Variants in ZNF662 observed in about 807,000 individuals in gnomAD.
ZNF662 encodes zinc finger protein 662.
Under a neutral mutation model 12.4 loss-of-function variants are expected in ZNF662, and 14 were observed. That is an observed-to-expected ratio of 1.13 (90% confidence interval 0.75 to 1.77). ZNF662 has a LOEUF of 1.77. Among genes scored for constraint, ZNF662 ranks in the 40% most tolerant of loss-of-function variants. The pLI is 0.00. For synonymous variants in ZNF662, 184 were observed against 176.4 expected (o/e 1.04, Z -0.34); for missense variants, 550 against 515.6 (o/e 1.07, Z -0.65).
intron 3 of ZNF662, among the ~76,000 whole-genome samples, chr3:42,909,170 G>A (rs2088731300): frequency 6.6e-6 from 1 of 152,166 alleles, no homozygotes; most frequent in African/African-American, 2.4e-5. Context: ...AGATAAACAT[G>A]TGAACAAAGG....
At chr3:42,912,022 G>C (rs1484216845) in intron 3 of ZNF662, 1 of 151,650 alleles carries the variant, frequency 6.6e-6, no homozygotes, top group African/African-American at 2.4e-5. Context: ...CCTAGGGATA[G>C]GTGAAGAAGA....
At chr3:42,909,702 C>G (rs2088748284) in intron 3 of ZNF662, among the ~76,000 whole-genome samples, 1 of 150,762 alleles carries the variant, frequency 6.6e-6, no homozygotes, top group African/African-American at 2.4e-5. Flanking sequence ...CTGCCCCCCA[C>G]CTCCCGGAGG....
chr3:42,913,116 C>G (rs992254975), intron 3 of ZNF662, 85 bp from the exon 4 acceptor site: 24 of 922,804 alleles, frequency 2.6e-5, no homozygotes, highest in Admixed American at 3.8e-5. Context: ...TTTATTCTCT[C>G]CCTACCACTT....
rs1385614305 is a variant in ZNF662 at position 42,918,796 on chromosome 3, C to T, written c.*3442C>T. Reference sequence around the variant, plus strand: ...TTGAGGTTCCAATTGCATGAACATTCAGAGTTCAATGGCCTGAAGGTGAGA... The same window carrying T: ...TTGAGGTTCCAATTGCATGAACATTTAGAGTTCAATGGCCTGAAGGTGAGA... On this transcript the variant is annotated 3_prime_UTR_variant, in exon 5 of 5. Coordinates refer to ENST00000440367, the MANE Select transcript of ZNF662 (RefSeq NM_207404.4). 6.6e-6 allele frequency among the ~76,000 whole-genome samples: 1 copy of T among 152,072 alleles called. No individual in the cohort carries two copies. Among genetic ancestry groups the T allele is most frequent in the African/African-American group, 2.4e-5 (1 of 41,396 alleles).
At position 42,913,288 on chromosome 3, in the gene ZNF662, GC is replaced by G; in HGVS notation, c.241del (p.Leu81Ter). The G allele has an allele frequency of 6.2e-7, 1 of 1,613,718 alleles. No individual in the cohort carries two copies. The highest frequency in any genetic ancestry group is 8.5e-7 in the Non-Finnish European group (1 of 1,179,680). On this transcript the variant is annotated frameshift_variant, in exon 4 of 5. Coordinates refer to ENST00000440367, the MANE Select transcript of ZNF662 (RefSeq NM_207404.4). LOFTEE classifies it low-confidence loss of function (END_TRUNC). ...CTGAAACTGCAAGGAGAGGGTCCAA[GC>G]CTGATTTGTCCGGGTAAGTGAGAGG... ...LNLKLQGEGP[S>X]LICPEGVLKR...
In ZNF662 at chr3:42,917,492, G is replaced by A; in HGVS notation, c.*2138G>A. 1.4e-6 allele frequency: 1 copy of A among 702,482 alleles called. No homozygotes were observed. The highest frequency in any genetic ancestry group is 2.7e-5 in the East Asian group (1 of 37,280). 43.5% of individuals were successfully genotyped at this position (702,482 alleles called of 1,614,324 possible). The stretch of plus-strand genomic sequence containing the variant: ...CAGGTGCTACCATATGGAGCCTAAG[G>A]ATAAAGCCAATACCAAAGAAAACAG... On this transcript the variant is annotated 3_prime_UTR_variant, in exon 5 of 5. Coordinates refer to ENST00000440367, the MANE Select transcript of ZNF662 (RefSeq NM_207404.4).
chr3:42,915,614 A>C lies in ZNF662; in HGVS notation c.*260A>C. 1 of 365,174 alleles carries C rather than the reference A, an allele frequency of 2.7e-6. No homozygotes were observed. Among genetic ancestry groups the C allele is most frequent in the Non-Finnish European group, 4.9e-6 (1 of 204,084 alleles). 22.6% of individuals were successfully genotyped at this position (365,174 alleles called of 1,614,324 possible). A position where few individuals can be genotyped will look rare whatever the true frequency, so the allele number is the denominator to read the frequency against. ...ATACATTAATTTGCATAACAATCCTATTAAGGTAGGTGCTCTTCTCCCCAT... is the reference window on the plus strand; with the variant it reads ...ATACATTAATTTGCATAACAATCCTCTTAAGGTAGGTGCTCTTCTCCCCAT... On this transcript the variant is annotated 3_prime_UTR_variant, in exon 5 of 5. Transcript: ENST00000440367.
At chr3:42,913,135 G>C in intron 3 of ZNF662, 66 bp from the exon 4 acceptor site, 1 of 1,153,386 alleles carries the variant, frequency 8.7e-7, no homozygotes, top group East Asian at 2.3e-5. Context: ...TTCCATGTCT[G>C]CTCTTTTCCT....
Position 42,906,450 on chromosome 3 carries a change from G to A in ZNF662, c.-94+282G>A, listed in dbSNP as rs557057801. ...TGCCCCGGGCGCGCCGGGTGAGTGC[G>A]GGGCCGGAGCCTGGAAGCAGTCTTG... is the stretch of plus-strand genomic sequence containing the variant. On this transcript the variant is annotated intron_variant, in intron 1 of 4. Transcript: ENST00000440367. This position sits in a 1 kb window ranked among gnomAD's most constrained non-coding sequence, Gnocchi z 4.4. The A allele has an allele frequency of 1.5e-4, 213 of 1,435,546 alleles. 1 individual carries two copies. The African/African-American group carries it at 2.9e-3, about 20-fold the overall frequency. 88.9% of individuals were successfully genotyped at this position (1,435,546 alleles called of 1,614,324 possible). A position where few individuals can be genotyped will look rare whatever the true frequency, so the allele number is the denominator to read the frequency against.
At chr3:42,913,993 G>T (rs145294248) in intron 4 of ZNF662, among the ~76,000 whole-genome samples, 14 of 151,988 alleles carry the variant, frequency 9.2e-5, no homozygotes, top group African/African-American at 2.2e-4. Flanking sequence ...CTAAGTCCTG[G>T]CCTGTTCTTC....
At position 42,906,425 on chromosome 3, in the gene ZNF662, TGCCCCGGGCGCGCCGGGTGAGTGCGGG is replaced by T. The variant is rs1357591282; in HGVS notation, c.-94+261_-94+287del. On this transcript the variant is annotated intron_variant, in intron 1 of 4. Coordinates refer to ENST00000440367, the MANE Select transcript of ZNF662 (RefSeq NM_207404.4). This position sits in a 1 kb window ranked among gnomAD's most constrained non-coding sequence, Gnocchi z 4.4. ...GAGCTGCTCCCGGGACAGCCCGCGC[TGCCCCGGGCGCGCCGGGTGAGTGCGGG>T]GCCGGAGCCTGGAAGCAGTCTTGGC... 5 of 1,475,718 alleles carry T rather than the reference TGCCCCGGGCGCGCCGGGTGAGTGCGGG, an allele frequency of 3.4e-6. No individual in the cohort carries two copies. The South Asian group carries it at 5.2e-5, about 15-fold the overall frequency. 91.4% of individuals were successfully genotyped at this position (1,475,718 alleles called of 1,614,324 possible). A position where few individuals can be genotyped will look rare whatever the true frequency, so the allele number is the denominator to read the frequency against.
rs1228507358 is a variant in ZNF662, at chr3:42,915,043, A to C, written c.970A>C (p.Arg324=). The C allele has an allele frequency of 6.2e-7, 1 of 1,614,128 alleles. No homozygotes were observed. ...TRNPALLRHQ[R]MHTGEKPYEC... ...AAACCCAGCCCTTCTTCGACATCAG[A>C]GAATGCACACTGGGGAGAAGCCTTA... is the stretch of plus-strand genomic sequence containing the variant. Residue 324 remains arginine, a synonymous_variant, in exon 5 of 5, where the codon AGA becomes CGA. Transcript: ENST00000440367.
chr3:42,911,129 A>T (rs1233846404), intron 3 of ZNF662, among the ~76,000 whole-genome samples: 1 of 152,216 alleles, frequency 6.6e-6, no homozygotes, highest in Non-Finnish European at 1.5e-5. Flanking sequence ...AGTGCCAAGT[A>T]TACTCTAATG....
chr3:42,909,530 C>G (rs974356136), intron 3 of ZNF662, among the ~76,000 whole-genome samples: 4 of 152,134 alleles, frequency 2.6e-5, no homozygotes, highest in South Asian at 4.2e-4. Flanking sequence ...CTTTTCTATT[C>G]GACAAAACCG....
chr3:42,910,441 T>G (rs1184669186), intron 3 of ZNF662, among the ~76,000 whole-genome samples: 3 of 152,216 alleles, frequency 2.0e-5, no homozygotes, highest in Middle Eastern at 3.2e-3. Context: ...GCCATCTTCA[T>G]TAACCTGTTT....
intron 4 of ZNF662, among the ~76,000 whole-genome samples, chr3:42,913,940 G>GT (rs2125648287): frequency 6.6e-6 from 1 of 152,074 alleles, no homozygotes; most frequent in Non-Finnish European, 1.5e-5. Context: ...AGGTTCTCAG[G>GT]TATACCACTA....
At chr3:42,912,829 T>A (rs2088846447) in intron 3 of ZNF662, among the ~76,000 whole-genome samples, 1 of 146,500 alleles carries the variant, frequency 6.8e-6, no homozygotes, top group Admixed American at 7.1e-5. Flanking sequence ...AACCTCTGCC[T>A]CCCGGGTTCA....
intron 3 of ZNF662, among the ~76,000 whole-genome samples, chr3:42,909,631 A>T (rs1416192327): frequency 6.6e-6 from 1 of 151,674 alleles, no homozygotes; most frequent in Non-Finnish European, 1.5e-5. Flanking sequence ...CACTTCCCAG[A>T]TGGGGCGGCC....
Position 42,914,852 on chromosome 3 carries a change from A to G in ZNF662, c.779A>G (p.Lys260Arg), listed in dbSNP as rs752481863. ...GAATGTGCTAAGGCCTTTGTTTGGAAGTCAAACCTGATTCGTCACCAGAGA... is the reference window on the plus strand; with the variant it reads ...GAATGTGCTAAGGCCTTTGTTTGGAGGTCAAACCTGATTCGTCACCAGAGA... Reference protein sequence around the residue: ...CQECAKAFVWKSNLIRHQRIH... With the variant: ...CQECAKAFVWRSNLIRHQRIH... Residue 260 changes from lysine to arginine, a missense_variant, in exon 5 of 5, where the codon AAG becomes AGG. Physicochemically the swap from Lys to Arg is conservative, Grantham distance 26. Transcript: ENST00000440367. 1.9e-6 allele frequency: 3 copies of G among 1,614,190 alleles called. No homozygotes were observed. Among genetic ancestry groups the G allele is most frequent in the Non-Finnish European group, 2.5e-6 (3 of 1,180,034 alleles).
Sources: gnomAD v4.1 joint callset for allele counts (sites outside exome capture counted in the v4.1 genomes callset) on GRCh38, gnomAD v4.1.1 for gene constraint, Gnocchi (gnomAD v3.1) non-coding constraint, MANE v1.5 for transcripts, NCBI Gene and HGNC (gene_info 2026-07-23, HGNC 2026-07-21) for gene names.